Variants in MYO9A observed in about 807,000 individuals in gnomAD.
The protein encoded by MYO9A is myosin IXA.
A neutral mutation model predicts 293.3 loss-of-function variants in MYO9A; 103 were observed. The ratio of observed to expected loss-of-function variants is 0.35; its 90% CI spans 0.30 to 0.41. MYO9A has a LOEUF of 0.41. MYO9A is among the 10% of genes least tolerant of loss of function. The probability of loss-of-function intolerance (pLI) is 1.00; values close to 1 mark genes in which losing one functional copy is unlikely to be tolerated. For synonymous variants in MYO9A, 1,001 were observed against 1,035.7 expected (o/e 0.97, Z 0.64); for missense variants, 2,685 against 3,033.0 (o/e 0.89, Z 2.69).
chr15:72,019,153 T>C lies in MYO9A; in HGVS notation c.1099-58A>G, dbSNP rs939765401. The C allele has an allele frequency of 3.6e-6, 5 of 1,400,880 alleles. No homozygotes were observed. The Admixed American group carries it at 6.7e-5, about 19-fold the overall frequency. The allele number at this position is 1,400,880 out of a possible 1,614,324, so 86.8% of individuals were successfully genotyped here. Reference sequence around the variant, plus strand: ...AATGGTTATTATACTCTTCTAATGATCTCTTAGATGTGGTGTGCAAGTAGT... The same window carrying C: ...AATGGTTATTATACTCTTCTAATGACCTCTTAGATGTGGTGTGCAAGTAGT... On this transcript the variant is annotated intron_variant, in intron 5 of 41. Transcript: ENST00000356056.
chr15:71,906,905 A>G (rs2057671981), intron 19 of MYO9A, among the ~76,000 whole-genome samples: 1 of 148,286 alleles, frequency 6.7e-6, no homozygotes, highest in Non-Finnish European at 1.5e-5. Flanking sequence ...CTGGGACTAC[A>G]GGCCCCACCA....
intron 12 of MYO9A, among the ~76,000 whole-genome samples, chr15:71,975,581 A>T (rs1038892928): frequency 6.6e-6 from 1 of 152,136 alleles, no homozygotes; most frequent in Non-Finnish European, 1.5e-5. Flanking sequence ...CAGGAAACAG[A>T]ATCTTTCTCT....
chr15:72,101,622 C>G (rs1369792972), intron 1 of MYO9A, among the ~76,000 whole-genome samples: 2 of 140,308 alleles, frequency 1.4e-5, no homozygotes, highest in African/African-American at 5.3e-5. Flanking sequence ...CGGCCAGCCG[C>G]CCCATCCAGG....
In MYO9A at chr15:71,831,638, G is replaced by A. The variant is rs555655522; in HGVS notation, c.6838-1327C>T. Among the ~76,000 whole-genome samples the A allele has an allele frequency of 3.9e-5, 6 of 152,288 alleles. No individual in the cohort carries two copies. In the East Asian group the frequency reaches 1.2e-3, roughly 29 times the overall value. ...AATCCCTAAAAATGAATTAATCTCA[G>A]ATTGCTAATACTTTAGGACCAGGCA... On this transcript the variant is annotated intron_variant, in intron 39 of 41. Transcript: ENST00000356056.
At chr15:72,022,462 A>G (rs1056209869) in intron 4 of MYO9A, among the ~76,000 whole-genome samples, 1 of 151,844 alleles carries the variant, frequency 6.6e-6, no homozygotes, top group Admixed American at 6.6e-5. Flanking sequence ...CGGAGGTTGC[A>G]GTGAGCCGAG....
intron 6 of MYO9A, among the ~76,000 whole-genome samples, chr15:72,016,776 G>T (rs1384516831): frequency 6.6e-6 from 1 of 152,054 alleles, no homozygotes; most frequent in African/African-American, 2.4e-5. Context: ...TAAGGGAAGA[G>T]GAGATTATGG....
At chr15:72,116,513 GAAGC>G (rs2080984518) in intron 1 of MYO9A, among the ~76,000 whole-genome samples, 1 of 152,146 alleles carries the variant, frequency 6.6e-6, no homozygotes, top group African/African-American at 2.4e-5. Flanking sequence ...GCTTCTTGGA[GAAGC>G]AAGACAGCAG....
chr15:72,002,647 C>A (rs1252671787), intron 8 of MYO9A, among the ~76,000 whole-genome samples: 1 of 152,140 alleles, frequency 6.6e-6, no homozygotes, highest in African/African-American at 2.4e-5. Flanking sequence ...TATATAAAGA[C>A]CGAAAACATG....
chr15:72,058,754 G>C (rs2078794602), intron 1 of MYO9A, among the ~76,000 whole-genome samples: 2 of 152,136 alleles, frequency 1.3e-5, no homozygotes, highest in African/African-American at 4.8e-5. Context: ...GTTCAGAATA[G>C]GCCAGCTTAT....
chr15:71,826,524 C>G lies in MYO9A; in HGVS notation c.*56G>C. Reference sequence around the variant, plus strand: ...TGGACGAGGTGATGAAACGCAGCCCCAAAGGTGAGATTTGTTTACCACTCT... The same window carrying G: ...TGGACGAGGTGATGAAACGCAGCCCGAAAGGTGAGATTTGTTTACCACTCT... On this transcript the variant is annotated 3_prime_UTR_variant, in exon 42 of 42. Transcript: ENST00000356056. The G allele has an allele frequency of 6.7e-7, 1 of 1,493,768 alleles. No homozygotes were observed. The highest frequency in any genetic ancestry group is 9.0e-7 in the Non-Finnish European group (1 of 1,113,062). The allele number at this position is 1,493,768 out of a possible 1,614,324, so 92.5% of individuals were successfully genotyped here.
chr15:72,093,598 C>CA (rs2079985264), intron 1 of MYO9A, among the ~76,000 whole-genome samples: 2 of 151,296 alleles, frequency 1.3e-5, no homozygotes, highest in South Asian at 4.2e-4. Flanking sequence ...AATTAAAAAT[C>CA]AAATCAGGCC....
At chr15:72,102,499 TA>T (rs55804686) in intron 1 of MYO9A, among the ~76,000 whole-genome samples, 9,755 of 114,366 alleles carry the variant, frequency 0.085, 340 homozygotes, top group Middle Eastern at 0.11. Flanking sequence ...TAAATAAATT[TA>T]AAAAAAAAAA....
At chr15:72,078,122 T>C (rs936933169) in intron 1 of MYO9A, among the ~76,000 whole-genome samples, 2 of 152,170 alleles carry the variant, frequency 1.3e-5, no homozygotes, top group Admixed American at 6.5e-5. Context: ...TTGGCAGTTC[T>C]TACAAAACTA....
chr15:72,058,729 G>A (rs887522797), intron 1 of MYO9A, among the ~76,000 whole-genome samples: 9 of 152,160 alleles, frequency 5.9e-5, no homozygotes, highest in African/African-American at 1.7e-4. Context: ...AGTTGCTGTG[G>A]TTTAGCAGGG....
At chr15:72,077,584 C>A (rs1176206740) in intron 1 of MYO9A, among the ~76,000 whole-genome samples, 1 of 151,272 alleles carries the variant, frequency 6.6e-6, no homozygotes, top group African/African-American at 2.4e-5. Context: ...TCTAGCTACT[C>A]AGGAGGCTGA....
intron 19 of MYO9A, among the ~76,000 whole-genome samples, chr15:71,911,720 T>C (rs537325526): frequency 5.3e-5 from 8 of 152,322 alleles, no homozygotes; most frequent in African/African-American, 1.9e-4. Flanking sequence ...CATTGCACAG[T>C]TCTTTATGAT....
At chr15:71,968,177 C>T (rs375577141) in intron 12 of MYO9A, 52 bp from the exon 13 acceptor site, 26 of 1,437,038 alleles carry the variant, frequency 1.8e-5, no homozygotes, top group South Asian at 8.3e-5. Flanking sequence ...GAGAAAGATG[C>T]GGTAATTAGT....
intron 1 of MYO9A, chr15:72,117,217 G>C (rs573676771): frequency 6.6e-6 from 1 of 152,140 alleles, no homozygotes; most frequent in East Asian, 1.9e-4. Flanking sequence ...GCTAGGGTTA[G>C]TGCTAGTCGG....
intron 1 of MYO9A, among the ~76,000 whole-genome samples, chr15:72,081,283 T>C (rs950556328): frequency 3.3e-5 from 5 of 152,208 alleles, no homozygotes; most frequent in Admixed American, 6.5e-5. Flanking sequence ...TGGCATCTCA[T>C]TGTGGTCTGA....
Sources: allele counts gnomAD v4.1 joint callset (sites outside exome capture counted in the v4.1 genomes callset), GRCh38; gene constraint gnomAD v4.1.1; transcripts MANE v1.5; gene names NCBI Gene and HGNC (gene_info 2026-07-23, HGNC 2026-07-21).